Variants in CAMK1D observed in about 807,000 individuals in gnomAD.
The protein encoded by CAMK1D is calcium/calmodulin-dependent protein kinase type 1D.
In CAMK1D, 9 loss-of-function variants were observed where a neutral mutation model predicts 47.7. The observed-to-expected ratio is 0.19, with a 90% CI of 0.11 to 0.33. The LOEUF (loss-of-function observed/expected upper bound fraction) is 0.33. CAMK1D is among the 10% of genes least tolerant of loss of function. CAMK1D has a pLI of 1.00. For synonymous variants in CAMK1D, 184 were observed against 184.9 expected (o/e 0.99, Z 0.04); for missense variants, 291 against 488.7 (o/e 0.60, Z 3.81).
At chr10:12,591,389 G>C (rs1837991039) in intron 2 of CAMK1D, among the ~76,000 whole-genome samples, 1 of 152,196 alleles carries the variant, frequency 6.6e-6, no homozygotes, top group South Asian at 2.1e-4. Flanking sequence ...CGATCACCCG[G>C]ATGGGCTGCT....
At chr10:12,671,574 T>C (rs530173660) in intron 3 of CAMK1D, among the ~76,000 whole-genome samples, 1 of 152,094 alleles carries the variant, frequency 6.6e-6, no homozygotes, top group African/African-American at 2.4e-5. Context: ...TTTTCCCATG[T>C]TAGCCACTTA....
intron 2 of CAMK1D, among the ~76,000 whole-genome samples, chr10:12,588,899 T>TGTGC (rs1395037164): frequency 6.7e-6 from 1 of 149,522 alleles, no homozygotes; most frequent in Non-Finnish European, 1.5e-5. Flanking sequence ...CGTGTGTGTG[T>TGTGC]GTGTGTATAT....
intron 2 of CAMK1D, among the ~76,000 whole-genome samples, chr10:12,647,229 C>A (rs1839836837): frequency 6.9e-6 from 1 of 144,928 alleles, no homozygotes; most frequent in Non-Finnish European, 1.5e-5. Flanking sequence ...TGGCTCACTG[C>A]AACCTCTGTT....
At chr10:12,575,791 A>G (rs1232556352) in intron 2 of CAMK1D, among the ~76,000 whole-genome samples, 2 of 152,338 alleles carry the variant, frequency 1.3e-5, no homozygotes, top group East Asian at 3.9e-4. Flanking sequence ...GGTGGTTTGC[A>G]TGTGGCTGGT....
intron 2 of CAMK1D, among the ~76,000 whole-genome samples, chr10:12,647,427 G>T (rs888003199): frequency 1.3e-5 from 2 of 152,082 alleles, no homozygotes; most frequent in Non-Finnish European, 2.9e-5. Context: ...AGGATTACAG[G>T]CATGAGCCAC....
At chr10:12,717,666 A>G (rs985743440) in intron 3 of CAMK1D, among the ~76,000 whole-genome samples, 1 of 151,124 alleles carries the variant, frequency 6.6e-6, no homozygotes, top group Non-Finnish European at 1.5e-5. Context: ...TGAGAGTATC[A>G]CTTAAGGCCA....
chr10:12,618,148 TCTC>T, intron 2 of CAMK1D, among the ~76,000 whole-genome samples: 1 of 152,204 alleles, frequency 6.6e-6, no homozygotes, highest in Non-Finnish European at 1.5e-5. Context: ...TGTGTCTCTC[TCTC>T]CTCTTCAACA....
intron 3 of CAMK1D, among the ~76,000 whole-genome samples, chr10:12,754,996 C>CA (rs1339706053): frequency 6.6e-6 from 1 of 152,096 alleles, no homozygotes; most frequent in African/African-American, 2.4e-5. Flanking sequence ...CGCCCAGAAT[C>CA]AGAGTGTAAC....
intron 3 of CAMK1D, among the ~76,000 whole-genome samples, chr10:12,723,134 G>A (rs1834470309): frequency 6.6e-6 from 1 of 152,128 alleles, no homozygotes; most frequent in Admixed American, 6.6e-5. Context: ...GTGTATTGCA[G>A]GCCCACACGT....
chr10:12,584,701 T>A (rs561872303), intron 2 of CAMK1D, among the ~76,000 whole-genome samples: 29 of 152,132 alleles, frequency 1.9e-4, no homozygotes, highest in African/African-American at 6.7e-4. Flanking sequence ...GCATTTGTGG[T>A]CCCAACTATT....
At chr10:12,378,338 C>T (rs1042658731) in intron 1 of CAMK1D, among the ~76,000 whole-genome samples, 3 of 152,170 alleles carry the variant, frequency 2.0e-5, no homozygotes, top group Admixed American at 2.0e-4. Context: ...CCTCTAACTC[C>T]TGTGCTCAGG....
intron 10 of CAMK1D, among the ~76,000 whole-genome samples, chr10:12,827,060 C>G (rs1833236556): frequency 1.3e-5 from 2 of 152,226 alleles, no homozygotes; most frequent in Admixed American, 1.3e-4. Flanking sequence ...TCCACTAGGC[C>G]AGGGACTGCT....
At chr10:12,444,535 A>G (rs1019559672) in intron 1 of CAMK1D, among the ~76,000 whole-genome samples, 2 of 152,188 alleles carry the variant, frequency 1.3e-5, no homozygotes, top group African/African-American at 4.8e-5. Context: ...GCTTGGTTTT[A>G]TACATTTTAG....
chr10:12,464,611 T>C (rs564583649), intron 1 of CAMK1D, among the ~76,000 whole-genome samples: 15 of 152,186 alleles, frequency 9.9e-5, no homozygotes, highest in African/African-American at 3.4e-4. Context: ...GTCAGGAGAT[T>C]GAGACCATCC....
chr10:12,473,428 T>C (rs919104542), intron 1 of CAMK1D, among the ~76,000 whole-genome samples: 1 of 152,000 alleles, frequency 6.6e-6, no homozygotes, highest in African/African-American at 2.4e-5. Flanking sequence ...AGCGAGACTC[T>C]GACTCAAAAA....
chr10:12,674,290 T>G (rs917203364), intron 3 of CAMK1D, among the ~76,000 whole-genome samples: 1 of 152,240 alleles, frequency 6.6e-6, no homozygotes, highest in African/African-American at 2.4e-5. Flanking sequence ...GTTTTTATTT[T>G]GTTTTTGTTT....
chr10:12,744,398 G>T (rs1835570921), intron 3 of CAMK1D, among the ~76,000 whole-genome samples: 1 of 152,188 alleles, frequency 6.6e-6, no homozygotes, highest in African/African-American at 2.4e-5. Context: ...TTGAGAAATT[G>T]TTAAACTGTT....
rs147622572 is a variant in CAMK1D at position 12,828,833 on chromosome 10, C to T, written c.1104C>T (p.Ala368=). Residue 368 remains alanine, a synonymous_variant, in exon 11 of 11, where the codon GCC becomes GCT. Transcript: ENST00000619168. The stretch of plus-strand genomic sequence containing the variant: ...CGTCGGGGGTCTCAGGAGTTGGAGC[C>T]GAGCGGAGACCCAGGCCCACCACTG... ...SSSSGVSGVG[A]ERRPRPTTVT... 2.9e-5 allele frequency: 47 copies of T among 1,613,582 alleles called. No homozygotes were observed. Among genetic ancestry groups the T allele is most frequent in the Admixed American group, 2.2e-4 (13 of 59,996 alleles).
At chr10:12,725,377 T>C (rs1834576355) in intron 3 of CAMK1D, 1 of 156,024 alleles carries the variant, frequency 6.4e-6, no homozygotes, top group Middle Eastern at 5.2e-4. Flanking sequence ...AAAGTATTTG[T>C]AGCTTCTTTC....
Sources: gnomAD v4.1 joint callset for allele counts (sites outside exome capture counted in the v4.1 genomes callset) on GRCh38, gnomAD v4.1.1 for gene constraint, MANE v1.5 for transcripts, NCBI Gene and HGNC (gene_info 2026-07-23, HGNC 2026-07-21) for gene names.